KAZN: variants seen among roughly 807,000 people sequenced by gnomAD.
KAZN encodes the protein kazrin, periplakin interacting protein, also known as kazrin.
A neutral mutation model predicts 87.4 loss-of-function variants in KAZN; 40 were observed. That is an observed-to-expected ratio of 0.46 (90% CI 0.36 to 0.60). The LOEUF (loss-of-function observed/expected upper bound fraction) is 0.60. Among genes scored for constraint, KAZN ranks in the 20% least tolerant of loss-of-function variants. KAZN has a pLI of 0.00. For missense variants in KAZN, 898 were observed against 1,073.9 expected, an observed-to-expected ratio of 0.84 and a Z score of 2.29; for synonymous variants, 466 against 458.3, an observed-to-expected ratio of 1.02 and a Z score of -0.22.
intron 13 of KAZN, among the ~76,000 whole-genome samples, chr1:15,110,515 TTG>T (rs1464301677): frequency 3.9e-4 from 19 of 48,282 alleles, no homozygotes; most frequent in African/African-American, 1.4e-3. Context: ...ATTTGTGTGT[TTG>T]TGTGTATGTG....
intron 2 of KAZN, among the ~76,000 whole-genome samples, chr1:14,305,885 G>A (rs1268691695): frequency 6.6e-6 from 1 of 152,104 alleles, no homozygotes; most frequent in Non-Finnish European, 1.5e-5. Flanking sequence ...AGCACCTTAG[G>A]TTTGGCAGGT....
At chr1:15,031,308 C>T (rs572588147) in intron 2 of KAZN, among the ~76,000 whole-genome samples, 164 of 152,312 alleles carry the variant, frequency 1.1e-3, no homozygotes, top group Non-Finnish European at 2.2e-3. Flanking sequence ...CCTCCCTAAC[C>T]CCCACCACCA....
chr1:14,317,473 T>C (rs1655732777), intron 2 of KAZN, among the ~76,000 whole-genome samples: 1 of 152,018 alleles, frequency 6.6e-6, no homozygotes. Context: ...TCTAAAAAAA[T>C]TAGCTTAACA....
At chr1:14,391,770 C>T (rs1278624183) in intron 2 of KAZN, among the ~76,000 whole-genome samples, 1 of 152,124 alleles carries the variant, frequency 6.6e-6, no homozygotes. Flanking sequence ...TTTGTTTATT[C>T]TCTTTGTGCT....
chr1:13,987,399 C>G (rs1369489626), intron 1 of KAZN, among the ~76,000 whole-genome samples: 1 of 152,172 alleles, frequency 6.6e-6, no homozygotes, highest in Non-Finnish European at 1.5e-5. Context: ...TCAACTCCTA[C>G]TTATGAGTGA....
At chr1:14,111,778 C>T (rs912401928) in intron 1 of KAZN, among the ~76,000 whole-genome samples, 5 of 142,950 alleles carry the variant, frequency 3.5e-5, no homozygotes, top group East Asian at 2.1e-4. Flanking sequence ...CTCGCTCTGT[C>T]GCCCAGGCTG....
chr1:14,239,789 A>G (rs1648776597), intron 2 of KAZN, among the ~76,000 whole-genome samples: 1 of 152,018 alleles, frequency 6.6e-6, no homozygotes. Context: ...ATTCATTTTT[A>G]GACCAACTGA....
intron 1 of KAZN, among the ~76,000 whole-genome samples, chr1:14,896,465 A>T (rs1255136694): frequency 6.6e-6 from 1 of 152,130 alleles, no homozygotes; most frequent in Non-Finnish European, 1.5e-5. Flanking sequence ...CCTTCAGGAG[A>T]TGTGTGTGTG....
At chr1:15,022,956 G>C (rs1306566136) in intron 2 of KAZN, among the ~76,000 whole-genome samples, 2 of 152,242 alleles carry the variant, frequency 1.3e-5, no homozygotes, top group African/African-American at 4.8e-5. Context: ...AAGCCCCCAG[G>C]TTACCTGTTA....
intron 1 of KAZN, among the ~76,000 whole-genome samples, chr1:14,142,108 CTTTTTT>C (rs35138469): frequency 7.8e-6 from 1 of 128,970 alleles, no homozygotes. Context: ...CCCTCCTTCC[CTTTTTT>C]TTTTTTTTTT....
intron 2 of KAZN, among the ~76,000 whole-genome samples, chr1:14,298,961 G>A (rs1041454688): frequency 2.0e-5 from 3 of 152,220 alleles, no homozygotes; most frequent in African/African-American, 4.8e-5. Flanking sequence ...GCAGGACAAT[G>A]AGCATACGTA....
intron 2 of KAZN, among the ~76,000 whole-genome samples, chr1:14,330,196 T>G (rs545033603): frequency 1.3e-5 from 2 of 152,210 alleles, no homozygotes; most frequent in East Asian, 1.9e-4. Context: ...TTTGTTGGGG[T>G]TTTTTTGCCT....
chr1:14,388,290 T>A (rs1488846197), intron 2 of KAZN, among the ~76,000 whole-genome samples: 1 of 152,204 alleles, frequency 6.6e-6, no homozygotes. Flanking sequence ...TTGCTCACGC[T>A]GGGAGCTGTA....
chr1:15,041,773 C>T (rs1026168789), intron 3 of KAZN, among the ~76,000 whole-genome samples: 8 of 152,136 alleles, frequency 5.3e-5, no homozygotes, highest in Admixed American at 4.6e-4. Context: ...CCCCAACCCC[C>T]TTCCAGTTCC....
intron 2 of KAZN, among the ~76,000 whole-genome samples, chr1:14,425,497 A>G (rs541080762): frequency 6.6e-6 from 1 of 152,296 alleles, no homozygotes; most frequent in South Asian, 2.1e-4. Flanking sequence ...AGAAGATACA[A>G]CAATAGTGCA....
At chr1:13,990,585 A>G (rs546819747) in intron 1 of KAZN, among the ~76,000 whole-genome samples, 2 of 152,314 alleles carry the variant, frequency 1.3e-5, no homozygotes, top group African/African-American at 4.8e-5. Flanking sequence ...AGTAGTCTCT[A>G]TATTTTGATA....
At chr1:14,005,408 A>T (rs113705557) in intron 1 of KAZN, among the ~76,000 whole-genome samples, 1 of 152,214 alleles carries the variant, frequency 6.6e-6, no homozygotes, top group East Asian at 1.9e-4. Context: ...TCTACCTTGT[A>T]TAACCAGGTA....
intron 1 of KAZN, among the ~76,000 whole-genome samples, chr1:14,713,176 C>T (rs567636835): frequency 4.8e-4 from 73 of 152,280 alleles, no homozygotes; most frequent in African/African-American, 1.6e-3. Flanking sequence ...TCCTTCATTA[C>T]GCTAGCACAG....
rs374066301 is a variant in KAZN, at chr1:14,587,640, G to A, written c.250-11343G>A. ...GGAAGAGAGAAAGGGAGGAGGTGCC[G>A]TACTCCCGGAAACAACCAGATCTCG... On this transcript the variant is annotated intron_variant, in intron 2 of 16. Transcript: ENST00000636203. Among the ~76,000 whole-genome samples the A allele has an allele frequency of 3.5e-3, 531 of 151,766 alleles. 1 individual carries two copies. The highest frequency in any genetic ancestry group is 5.6e-3 in the Non-Finnish European group (382 of 67,918).
Sources: gnomAD v4.1 joint callset for allele counts (sites outside exome capture counted in the v4.1 genomes callset) on GRCh38, gnomAD v4.1.1 for gene constraint, MANE v1.5 for transcripts, NCBI Gene and HGNC (gene_info 2026-07-23, HGNC 2026-07-21) for gene names.